Variants in NCKAP5 observed in about 807,000 individuals in gnomAD.
NCKAP5 encodes the protein nck-associated protein 5.
NCKAP5 carries 92 observed loss-of-function variants against 167.0 expected under a neutral mutation model. The observed-to-expected ratio is 0.55, with a 90% CI of 0.47 to 0.66. The LOEUF (loss-of-function observed/expected upper bound fraction) is 0.66. Ranked by LOEUF, NCKAP5 falls within the 30% of genes least tolerant of loss-of-function variation. NCKAP5 has a pLI of 0.00. For missense variants in NCKAP5, 2,378 were observed against 2,315.0 expected (o/e 1.03, Z -0.56); for synonymous variants, 891 against 877.4 (o/e 1.02, Z -0.27).
At chr2:132,780,950 T>C in intron 15 of NCKAP5, 102 bp downstream of exon 15, 1 of 1,162,284 alleles carries the variant, frequency 8.6e-7, no homozygotes, top group Non-Finnish European at 1.2e-6. Flanking sequence ...TTCCCCCAGT[T>C]GCAATCTCTT....
In NCKAP5 at chr2:133,286,645, A is replaced by G. The variant is rs1195977894; in HGVS notation, c.143+16392T>C. On this transcript the variant is annotated intron_variant, in intron 4 of 19. Transcript: ENST00000409261. ...TGAAAACTGGACTTGTAATCTGGTC[A>G]TAATAAAAATATATTATGTTTATAT... 3.3e-5 allele frequency among the ~76,000 whole-genome samples: 5 copies of G among 152,234 alleles called. No homozygotes were observed. In the East Asian group the frequency reaches 9.6e-4, roughly 29 times the overall value.
chr2:133,312,576 A>C (rs947835789), intron 3 of NCKAP5, among the ~76,000 whole-genome samples: 3 of 152,008 alleles, frequency 2.0e-5, no homozygotes, highest in Non-Finnish European at 4.4e-5. Context: ...CCTATTGTGC[A>C]CTCTTCCCCT....
Position 132,972,064 on chromosome 2 carries a change from T to C in NCKAP5, c.430-8195A>G, listed in dbSNP as rs567918082. 3.3e-5 allele frequency among the ~76,000 whole-genome samples: 5 copies of C among 152,304 alleles called. No homozygotes were observed. The South Asian group carries it at 1.0e-3, about 32-fold the overall frequency. On this transcript the variant is annotated intron_variant, in intron 7 of 19. Transcript: ENST00000409261. ...AGTAAAATGAACAGATAATTAATCATCCAAAGCAACATTCCCTGGAGAGTA... is the reference window on the plus strand; with the variant it reads ...AGTAAAATGAACAGATAATTAATCACCCAAAGCAACATTCCCTGGAGAGTA...
At chr2:133,137,147 C>T (rs1263049818) in intron 5 of NCKAP5, among the ~76,000 whole-genome samples, 1 of 133,678 alleles carries the variant, frequency 7.5e-6, no homozygotes, top group East Asian at 2.0e-4. Flanking sequence ...TATTGCAATA[C>T]AGTTTCACCA....
intron 8 of NCKAP5, among the ~76,000 whole-genome samples, chr2:132,958,408 C>T (rs910784097): frequency 1.3e-5 from 2 of 152,138 alleles, no homozygotes; most frequent in Non-Finnish European, 2.9e-5. Flanking sequence ...TCTCCCTGCC[C>T]CTCCTATGTC....
chr2:133,195,454 T>C (rs2085396704), intron 5 of NCKAP5, among the ~76,000 whole-genome samples: 1 of 152,154 alleles, frequency 6.6e-6, no homozygotes, highest in Non-Finnish European at 1.5e-5. Flanking sequence ...TGTCATGCTT[T>C]CCTCTTAATT....
the NCKAP5 span, among the ~76,000 whole-genome samples, chr2:133,608,774 C>A: frequency 6.6e-6 from 1 of 152,132 alleles, no homozygotes; most frequent in Non-Finnish European, 1.5e-5. Context: ...TCCTCAAACC[C>A]AAGTTCAATT....
At chr2:133,424,665 T>C (rs1344074738) in intron 3 of NCKAP5, among the ~76,000 whole-genome samples, 1 of 152,218 alleles carries the variant, frequency 6.6e-6, no homozygotes, top group Admixed American at 6.5e-5. Flanking sequence ...TACTTTGCCT[T>C]GCTACTCATG....
chr2:133,009,351 C>T (rs1222243759), intron 6 of NCKAP5, among the ~76,000 whole-genome samples: 1 of 152,170 alleles, frequency 6.6e-6, no homozygotes, highest in African/African-American at 2.4e-5. Context: ...CAAGTTTTTT[C>T]CTACTACCCA....
chr2:132,791,858 T>C (rs1287174344), intron 12 of NCKAP5, among the ~76,000 whole-genome samples: 8 of 152,182 alleles, frequency 5.3e-5, no homozygotes, highest in Admixed American at 4.6e-4. Flanking sequence ...CTCTAATCAA[T>C]ACCTATAATG....
intron 1 of NCKAP5, among the ~76,000 whole-genome samples, chr2:133,560,023 C>G (rs1332670975): frequency 6.6e-6 from 1 of 152,092 alleles, no homozygotes; most frequent in Admixed American, 6.6e-5. Context: ...TATAGAGCCC[C>G]CATTGGACAA....
chr2:132,837,258 A>C (rs1217109756), intron 11 of NCKAP5, among the ~76,000 whole-genome samples: 1 of 152,184 alleles, frequency 6.6e-6, no homozygotes, highest in Non-Finnish European at 1.5e-5. Context: ...AGGGGCTCAC[A>C]GGCTTTTTCA....
intron 3 of NCKAP5, among the ~76,000 whole-genome samples, chr2:133,422,861 C>T (rs552746165): frequency 6.6e-6 from 1 of 152,088 alleles, no homozygotes; most frequent in South Asian, 2.1e-4. Flanking sequence ...TCAAATGTAC[C>T]CATGCAATCC....
intron 6 of NCKAP5, among the ~76,000 whole-genome samples, chr2:133,057,198 TCC>T (rs1384266820): frequency 6.6e-6 from 1 of 152,094 alleles, no homozygotes; most frequent in East Asian, 1.9e-4. Context: ...TATCTCTCTC[TCC>T]TCAGGCCTCC....
intron 2 of NCKAP5, among the ~76,000 whole-genome samples, chr2:133,520,200 T>C (rs1684359407): frequency 2.0e-5 from 3 of 151,636 alleles, no homozygotes; most frequent in Middle Eastern, 3.2e-3. Flanking sequence ...TCTCAAAATA[T>C]AAAAATAAAA....
At chr2:133,598,651 C>T in the NCKAP5 span, among the ~76,000 whole-genome samples, 1 of 152,116 alleles carries the variant, frequency 6.6e-6, no homozygotes, top group Non-Finnish European at 1.5e-5. Context: ...CATGTTGGCT[C>T]TTCCAAGGTG....
intron 8 of NCKAP5, among the ~76,000 whole-genome samples, chr2:132,933,015 C>T (rs1223175320): frequency 1.3e-5 from 2 of 151,006 alleles, no homozygotes; most frequent in Non-Finnish European, 2.9e-5. Flanking sequence ...AGCTCCGCCT[C>T]CCGGGTTCAC....
intron 3 of NCKAP5, among the ~76,000 whole-genome samples, chr2:133,455,266 A>G (rs1243149689): frequency 6.6e-6 from 1 of 152,120 alleles, no homozygotes; most frequent in African/African-American, 2.4e-5. Flanking sequence ...GATGAAGTTT[A>G]TGCCCATTTC....
intron 5 of NCKAP5, among the ~76,000 whole-genome samples, chr2:133,167,344 C>A (rs527369987): frequency 1.6e-4 from 24 of 152,200 alleles, no homozygotes; most frequent in Admixed American, 1.2e-3. Flanking sequence ...TAAATAATAT[C>A]CTTGCCATCA....
Sources: gnomAD v4.1 joint callset for allele counts (sites outside exome capture counted in the v4.1 genomes callset) on GRCh38, gnomAD v4.1.1 for gene constraint, MANE v1.5 for transcripts, NCBI Gene and HGNC (gene_info 2026-07-23, HGNC 2026-07-21) for gene names.